The following ABCA13 variants were observed in gnomAD, a reference collection of about 807,000 sequenced individuals.
The protein encoded by ABCA13 is ATP binding cassette subfamily A member 13.
A neutral mutation model predicts 478.7 loss-of-function variants in ABCA13; 476 were observed. That is an observed-to-expected ratio of 0.99 (90% CI 0.92 to 1.07). ABCA13 has a LOEUF of 1.07. Among genes scored for constraint, ABCA13 ranks in the 50% least tolerant of loss-of-function variants. ABCA13 has a pLI of 0.00. For synonymous variants in ABCA13, 2,252 were observed against 2,158.9 expected (o/e 1.04, Z -1.20); for missense variants, 6,060 against 5,910.6 (o/e 1.03, Z -0.83).
intron 39 of ABCA13, among the ~76,000 whole-genome samples, chr7:48,408,586 T>G (rs1818575150): frequency 6.6e-6 from 1 of 152,224 alleles, no homozygotes; most frequent in African/African-American, 2.4e-5. Context: ...TTTTAATGTA[T>G]TGAAAGTCTT....
rs753273086 is a variant in ABCA13 at position 48,268,967 on chromosome 7, TC to T, written c.2006-12del. On this transcript the variant is annotated splice_polypyrimidine_tract_variant and intron_variant, in intron 15 of 61. Coordinates refer to ENST00000435803, the MANE Select transcript of ABCA13 (RefSeq NM_152701.5). ...CAGTTTATAATTAATGTAGAAAATG[TC>T]TTTTTATTTAGCTTTTCCTGAGGAA... is the stretch of plus-strand genomic sequence containing the variant. The T allele has an allele frequency of 5.7e-6, 8 of 1,406,880 alleles. No homozygotes were observed. The Admixed American group carries it at 1.4e-4, about 25-fold the overall frequency. The allele number at this position is 1,406,880 out of a possible 1,614,324, so 87.1% of individuals were successfully genotyped here.
At position 48,496,035 on chromosome 7, in the gene ABCA13, T is replaced by A. The variant is rs143629667; in HGVS notation, c.13291+6691T>A. 3.0e-3 allele frequency among the ~76,000 whole-genome samples: 456 copies of A among 152,248 alleles called. 1 individual carries two copies. The highest frequency in any genetic ancestry group is 5.1e-3 in the Non-Finnish European group (349 of 67,994). ...GTGTAGAGTGTATATTGTTAGGTCA[T>A]ATTTTTTAAGCTGCACTGCCTATCT... On this transcript the variant is annotated intron_variant, in intron 48 of 61. Coordinates refer to ENST00000435803, the MANE Select transcript of ABCA13 (RefSeq NM_152701.5).
At chr7:48,400,868 T>C (rs1817507531) in intron 38 of ABCA13, among the ~76,000 whole-genome samples, 1 of 152,260 alleles carries the variant, frequency 6.6e-6, no homozygotes. Flanking sequence ...TATTCACTGA[T>C]TAAAATGCCA....
chr7:48,391,948 C>A lies in ABCA13; in HGVS notation c.11682C>A (p.Pro3894=). 3 of 1,613,956 alleles carry A rather than the reference C, an allele frequency of 1.9e-6. No individual in the cohort carries two copies. The highest frequency in any genetic ancestry group is 2.5e-6 in the Non-Finnish European group (3 of 1,179,856). The change falls in exon 38 of 62, where the codon CCC becomes CCA. Residue 3894 remains proline (P), a synonymous_variant. Coordinates refer to ENST00000435803, the MANE Select transcript of ABCA13 (RefSeq NM_152701.5). ...IISMLTGLHP[P]TSGTIIINGK... ...CCATGTTGACGGGGCTCCACCCTCC[C>A]ACTTCTGGAACCATCATCATCAATG... is the stretch of plus-strand genomic sequence containing the variant.
chr7:48,602,803 A>G (rs781549503), intron 58 of ABCA13, among the ~76,000 whole-genome samples: 20 of 151,986 alleles, frequency 1.3e-4, no homozygotes, highest in Non-Finnish European at 2.6e-4. Context: ...CATTGAATCT[A>G]TAAATTATTT....
At chr7:48,583,179 A>T (rs1019637443) in intron 56 of ABCA13, among the ~76,000 whole-genome samples, 1 of 152,186 alleles carries the variant, frequency 6.6e-6, no homozygotes, top group African/African-American at 2.4e-5. Flanking sequence ...GACTGTCCCT[A>T]CTGTGTCTTG....
chr7:48,586,152 G>T (rs1016416694), intron 56 of ABCA13, among the ~76,000 whole-genome samples: 2 of 152,110 alleles, frequency 1.3e-5, no homozygotes, highest in Non-Finnish European at 2.9e-5. Flanking sequence ...GCTGTGAACC[G>T]CAGGCTCTTG....
Position 48,503,896 on chromosome 7 carries a change from C to T in ABCA13, c.13292-2440C>T, listed in dbSNP as rs971549090. Among the ~76,000 whole-genome samples the T allele has an allele frequency of 7.2e-5, 11 of 152,142 alleles. No homozygotes were observed. The East Asian group carries it at 2.1e-3, about 29-fold the overall frequency. On this transcript the variant is annotated intron_variant, in intron 48 of 61. Transcript: ENST00000435803. The stretch of plus-strand genomic sequence containing the variant: ...TATAGTGTTTTCCATAAGGGCTGTA[C>T]TAATTTACATTCCCACCAGCAGGAT...
chr7:48,227,222 C>T (rs1320892698), intron 5 of ABCA13, 40 bp from the exon 6 acceptor site: 4 of 1,608,068 alleles, frequency 2.5e-6, no homozygotes, highest in Non-Finnish European at 3.4e-6. Context: ...ATTAATAAAA[C>T]TCCAGAGGGA....
At chr7:48,622,443 C>G (rs1449652679) in intron 59 of ABCA13, among the ~76,000 whole-genome samples, 2 of 152,208 alleles carry the variant, frequency 1.3e-5, no homozygotes, top group East Asian at 3.9e-4. Flanking sequence ...CTCTTCTCCC[C>G]TTTTACTCCC....
intron 16 of ABCA13, among the ~76,000 whole-genome samples, chr7:48,269,428 TA>T (rs2128743204): frequency 6.6e-6 from 1 of 152,352 alleles, no homozygotes; most frequent in African/African-American, 2.4e-5. Flanking sequence ...ACCTAGAGTT[TA>T]AGCAGGAAAT....
intron 39 of ABCA13, among the ~76,000 whole-genome samples, chr7:48,409,481 A>G (rs1228844668): frequency 6.6e-6 from 1 of 152,116 alleles, no homozygotes; most frequent in Non-Finnish European, 1.5e-5. Flanking sequence ...AGGAACACCC[A>G]AGTCCCCCTC....
intron 55 of ABCA13, among the ~76,000 whole-genome samples, chr7:48,546,466 G>C (rs1784819452): frequency 6.6e-6 from 1 of 151,578 alleles, no homozygotes; most frequent in African/African-American, 2.4e-5. Flanking sequence ...TATAGGTTAA[G>C]TTTTATTTTT....
At chr7:48,299,094 G>A (rs182427982) in intron 23 of ABCA13, among the ~76,000 whole-genome samples, 2 of 152,282 alleles carry the variant, frequency 1.3e-5, no homozygotes, top group East Asian at 1.9e-4. Flanking sequence ...AAAGGGGAAC[G>A]GGGACATCTC....
At chr7:48,485,151 C>G (rs2130610537) in intron 47 of ABCA13, among the ~76,000 whole-genome samples, 1 of 152,226 alleles carries the variant, frequency 6.6e-6, no homozygotes, top group East Asian at 1.9e-4. Context: ...TTAAAGAAGC[C>G]AAACACATTT....
intron 15 of ABCA13, among the ~76,000 whole-genome samples, chr7:48,258,659 G>C (rs62449186): frequency 0.13 from 19,138 of 151,984 alleles, 1,236 homozygotes; most frequent in South Asian, 0.18. Flanking sequence ...TGTGCAGAAG[G>C]GGTTGGTTTG....
intron 59 of ABCA13, among the ~76,000 whole-genome samples, chr7:48,624,069 T>G (rs1413543642): frequency 6.6e-6 from 1 of 151,152 alleles, no homozygotes; most frequent in African/African-American, 2.4e-5. Flanking sequence ...AGTGTGTGTG[T>G]GTGTGTGTGT....
intron 31 of ABCA13, among the ~76,000 whole-genome samples, chr7:48,355,720 C>A (rs2128992826): frequency 6.6e-6 from 1 of 151,922 alleles, no homozygotes; most frequent in African/African-American, 2.4e-5. Context: ...AACAGAATTG[C>A]CAAAAGATTT....
At chr7:48,384,294 G>A (rs1258958115) in intron 35 of ABCA13, among the ~76,000 whole-genome samples, 4 of 152,196 alleles carry the variant, frequency 2.6e-5, no homozygotes, top group African/African-American at 7.2e-5. Flanking sequence ...GTCAACAGGG[G>A]CTTTTCGTGT....
Sources: allele counts gnomAD v4.1 joint callset (sites outside exome capture counted in the v4.1 genomes callset), GRCh38; gene constraint gnomAD v4.1.1; transcripts MANE v1.5; gene names NCBI Gene and HGNC (gene_info 2026-07-23, HGNC 2026-07-21).